GBF1: variants seen among roughly 807,000 people sequenced by gnomAD.
GBF1 encodes Golgi-specific brefeldin A-resistance guanine nucleotide exchange factor 1.
A neutral mutation model predicts 210.5 loss-of-function variants in GBF1; 114 were observed. That is an observed-to-expected ratio of 0.54 (90% CI 0.47 to 0.63). The LOEUF (loss-of-function observed/expected upper bound fraction) is 0.63. Ranked by LOEUF, GBF1 falls within the 30% of genes least tolerant of loss-of-function variation. The pLI is 0.00. For missense variants in GBF1, 1,851 were observed against 2,357.7 expected (o/e 0.79, Z 4.45); for synonymous variants, 850 against 889.2 (o/e 0.96, Z 0.78).
In GBF1 at chr10:102,368,736, C is replaced by T. The variant is rs752529939; in HGVS notation, c.2880-3C>T. ...GTTTCTGGGATGGGGGGTAACATTACAGGAAGTGCGCCATGATCTCCGCCC... is the reference window on the plus strand; with the variant it reads ...GTTTCTGGGATGGGGGGTAACATTATAGGAAGTGCGCCATGATCTCCGCCC... On this transcript the variant is annotated splice_polypyrimidine_tract_variant and splice_region_variant and intron_variant, in intron 22 of 39. Transcript: ENST00000369983. The T allele has an allele frequency of 1.1e-5, 18 of 1,606,920 alleles. No homozygotes were observed. Among genetic ancestry groups the T allele is most frequent in the Non-Finnish European group, 8.5e-7 (1 of 1,173,694 alleles).
At chr10:102,325,714 A>G (rs574473423) in intron 3 of GBF1, among the ~76,000 whole-genome samples, 1 of 151,812 alleles carries the variant, frequency 6.6e-6, no homozygotes, top group South Asian at 2.1e-4. Context: ...CGGTGGCACA[A>G]TCTTGGCTCA....
At chr10:102,285,321 T>TA (rs763523444) in intron 3 of GBF1, among the ~76,000 whole-genome samples, 1 of 152,220 alleles carries the variant, frequency 6.6e-6, no homozygotes, top group Non-Finnish European at 1.5e-5. Context: ...TCAGTTTGCT[T>TA]ACACATTACC....
Position 102,315,607 on chromosome 10 carries a change from C to A in GBF1, c.164-28444C>A, listed in dbSNP as rs971391350. Among the ~76,000 whole-genome samples, 6 of 152,280 alleles carry A rather than the reference C, an allele frequency of 3.9e-5. No individual in the cohort carries two copies. The South Asian group carries it at 1.2e-3, about 32-fold the overall frequency. ...TCATAAGGAGCACCAACCTAGATCC[C>A]TCACATCCCTCACATGTGCAGTTCA... On this transcript the variant is annotated intron_variant, in intron 3 of 39. Coordinates refer to ENST00000369983, the MANE Select transcript of GBF1 (RefSeq NM_001377137.1).
chr10:102,256,015 G>A (rs1287140545), intron 1 of GBF1, among the ~76,000 whole-genome samples: 2 of 152,164 alleles, frequency 1.3e-5, no homozygotes, highest in Admixed American at 6.5e-5. Flanking sequence ...GCACGAACGC[G>A]GTTCACCGCA....
chr10:102,238,234 T>C, the GBF1 span, among the ~76,000 whole-genome samples: 1 of 152,184 alleles, frequency 6.6e-6, no homozygotes, highest in Non-Finnish European at 1.5e-5. Flanking sequence ...GCTCAGGACC[T>C]AATGGATCCT....
At chr10:102,293,754 G>A (rs2076633832) in intron 3 of GBF1, among the ~76,000 whole-genome samples, 1 of 129,026 alleles carries the variant, frequency 7.8e-6, no homozygotes, top group Admixed American at 8.5e-5. Flanking sequence ...ATTTTGTACA[G>A]CTGTAGTATG....
intron 3 of GBF1, among the ~76,000 whole-genome samples, chr10:102,343,446 ATTG>A (rs974155812): frequency 1.4e-4 from 22 of 152,190 alleles, no homozygotes; most frequent in Non-Finnish European, 7.3e-5. Context: ...TTGAAAAATT[ATTG>A]TTAATTTTTA....
chr10:102,298,903 T>C (rs1372600351), intron 3 of GBF1, among the ~76,000 whole-genome samples: 2 of 152,238 alleles, frequency 1.3e-5, no homozygotes, highest in African/African-American at 2.4e-5. Flanking sequence ...TTGGTAAATA[T>C]GAAACTCATT....
chr10:102,358,287 C>A, intron 9 of GBF1, 101 bp downstream of exon 9: 1 of 1,112,048 alleles, frequency 9.0e-7, no homozygotes, highest in South Asian at 1.5e-5. Context: ...GGGCTTTGGT[C>A]TTGGCGCTGA....
chr10:102,260,149 T>A, intron 3 of GBF1, 33 bp downstream of exon 3: 1 of 1,103,304 alleles, frequency 9.1e-7, no homozygotes, highest in Non-Finnish European at 1.4e-6. Flanking sequence ...ATTACTAATC[T>A]TGGTAAAAAA....
chr10:102,366,323 AAG>A lies in GBF1; in HGVS notation c.2310-57_2310-56del. On this transcript the variant is annotated intron_variant, in intron 18 of 39. Coordinates refer to ENST00000369983, the MANE Select transcript of GBF1 (RefSeq NM_001377137.1). The surrounding 1 kb of genome is among the most constrained non-coding windows in gnomAD (Gnocchi z 4.0). Reference sequence around the variant, plus strand: ...AGTAGGTTAGGAGGACAGTGACTAAAAGAGCCTGACATGTGCAGCTTACACAT... The same window carrying A: ...AGTAGGTTAGGAGGACAGTGACTAAAAGCCTGACATGTGCAGCTTACACAT... The A allele has an allele frequency of 6.2e-7, 1 of 1,601,074 alleles. No individual in the cohort carries two copies. Among genetic ancestry groups the A allele is most frequent in the Non-Finnish European group, 8.5e-7 (1 of 1,169,808 alleles).
chr10:102,240,602 C>T (rs555075664), upstream of GBF1, among the ~76,000 whole-genome samples: 1 of 152,350 alleles, frequency 6.6e-6, no homozygotes, highest in Non-Finnish European at 1.5e-5. Context: ...AGACACAACT[C>T]CCGCTCCGGA....
At chr10:102,299,785 A>C (rs1466585460) in intron 3 of GBF1, among the ~76,000 whole-genome samples, 4 of 152,218 alleles carry the variant, frequency 2.6e-5, no homozygotes, top group South Asian at 2.1e-4. Flanking sequence ...ACTCCGTCCC[A>C]AAAAAATTAA....
In GBF1 at chr10:102,371,546, G is replaced by C. The variant is rs545989254; in HGVS notation, c.3660+686G>C. Among the ~76,000 whole-genome samples the C allele has an allele frequency of 3.0e-4, 46 of 152,296 alleles. No homozygotes were observed. In the South Asian group the frequency reaches 9.1e-3, roughly 30 times the overall value. ...ATAACTCCTATAAAAATCCCAGAAA[G>C]GTTCTTGTAGACATAGGTAAGCTTA... On this transcript the variant is annotated intron_variant, in intron 29 of 39. Transcript: ENST00000369983.
intron 1 of GBF1, among the ~76,000 whole-genome samples, chr10:102,254,463 G>C (rs74692697): frequency 0.012 from 1,859 of 152,176 alleles, 32 homozygotes; most frequent in African/African-American, 0.043. Context: ...ATATATTTTT[G>C]GTATTCCATT....
Position 102,368,250 on chromosome 10 carries a change from C to T in GBF1, c.2675C>T (p.Thr892Ile). 1.9e-6 allele frequency: 3 copies of T among 1,613,842 alleles called. No homozygotes were observed. The highest frequency in any genetic ancestry group is 2.5e-6 in the Non-Finnish European group (3 of 1,179,742). Residue 892 changes from threonine to isoleucine, a missense_variant, in exon 22 of 40, where the codon ACA becomes ATA. By Grantham distance (89) the Thr-to-Ile change is moderately conservative. Coordinates refer to ENST00000369983, the MANE Select transcript of GBF1 (RefSeq NM_001377137.1). ...GAAATTGTAATGCCTGAGGAGCAGACAGGCTTGGTTCGGGAGAACTATGTG... is the reference window on the plus strand; with the variant it reads ...GAAATTGTAATGCCTGAGGAGCAGATAGGCTTGGTTCGGGAGAACTATGTG... ...NEEIVMPEEQTGLVRENYVWN... is the reference protein window; with the variant it reads ...NEEIVMPEEQIGLVRENYVWN...
chr10:102,284,372 A>G (rs982664159), intron 3 of GBF1, among the ~76,000 whole-genome samples: 1 of 152,162 alleles, frequency 6.6e-6, no homozygotes, highest in Non-Finnish European at 1.5e-5. Context: ...AAACATTTTC[A>G]TCGCCCCAAA....
At chr10:102,320,825 T>C (rs1211865122) in intron 3 of GBF1, among the ~76,000 whole-genome samples, 3 of 151,982 alleles carry the variant, frequency 2.0e-5, no homozygotes, top group Non-Finnish European at 4.4e-5. Flanking sequence ...TCTGACTCTG[T>C]CGCCCAGACT....
intron 8 of GBF1, among the ~76,000 whole-genome samples, chr10:102,356,994 G>A (rs1486059841): frequency 3.3e-5 from 5 of 152,056 alleles, no homozygotes; most frequent in African/African-American, 4.8e-5. Flanking sequence ...ACATAAAACT[G>A]CATCTGGAAA....
Sources: gnomAD v4.1 joint callset for allele counts (sites outside exome capture counted in the v4.1 genomes callset) on GRCh38, gnomAD v4.1.1 for gene constraint, Gnocchi (gnomAD v3.1) non-coding constraint, MANE v1.5 for transcripts, NCBI Gene and HGNC (gene_info 2026-07-23, HGNC 2026-07-21) for gene names.